Variants in FSTL4 observed in about 807,000 individuals in gnomAD.
The protein encoded by FSTL4 is follistatin-related protein 4.
In FSTL4, 28 loss-of-function variants were observed where a neutral mutation model predicts 78.2. The observed-to-expected ratio is 0.36, with a 90% confidence interval of 0.27 to 0.49. The LOEUF is 0.49. Among genes scored for constraint, FSTL4 ranks in the 20% least tolerant of loss-of-function variants. The pLI is 0.98. For missense variants in FSTL4, 922 were observed against 1,084.9 expected (o/e 0.85, Z 2.11); for synonymous variants, 422 against 440.5 (o/e 0.96, Z 0.53).
chr5:133,559,332 A>C (rs1390322329), intron 3 of FSTL4, among the ~76,000 whole-genome samples: 1 of 152,228 alleles, frequency 6.6e-6, no homozygotes, highest in Non-Finnish European at 1.5e-5. Context: ...AAGCAAAGAA[A>C]TGCCTCTGGC....
At chr5:133,761,016 A>G in the FSTL4 span, among the ~76,000 whole-genome samples, 2 of 152,218 alleles carry the variant, frequency 1.3e-5, no homozygotes, top group African/African-American at 4.8e-5. Context: ...TCATCCCGTT[A>G]GAGCTAAGCC....
At chr5:133,649,053 C>T in the FSTL4 span, among the ~76,000 whole-genome samples, 3 of 152,198 alleles carry the variant, frequency 2.0e-5, no homozygotes, top group Non-Finnish European at 4.4e-5. Flanking sequence ...TCCAGGCTAC[C>T]ACTGATCTTT....
chr5:133,396,368 C>T (rs767737026), intron 4 of FSTL4, among the ~76,000 whole-genome samples: 5 of 152,228 alleles, frequency 3.3e-5, no homozygotes, highest in Non-Finnish European at 4.4e-5. Context: ...AGAAAGCTCA[C>T]GTGCCAAAGC....
At chr5:133,437,920 TTTA>T (rs1309075626) in intron 3 of FSTL4, among the ~76,000 whole-genome samples, 1 of 152,206 alleles carries the variant, frequency 6.6e-6, no homozygotes, top group South Asian at 2.1e-4. Context: ...TCCTTTTCCT[TTTA>T]TTATTATTAT....
the FSTL4 span, among the ~76,000 whole-genome samples, chr5:133,778,488 A>T: frequency 1.3e-5 from 2 of 152,130 alleles, no homozygotes; most frequent in African/African-American, 4.8e-5. Context: ...GGCAAAGTGG[A>T]CTCCAACTCA....
intron 4 of FSTL4, among the ~76,000 whole-genome samples, chr5:133,356,029 GT>G (rs1754936650): frequency 6.6e-6 from 1 of 152,186 alleles, no homozygotes; most frequent in Non-Finnish European, 1.5e-5. Flanking sequence ...GGGGGCCTGG[GT>G]CCCAGGGGGC....
chr5:133,603,799 A>G, intron 2 of FSTL4, 59 bp downstream of exon 2: 2 of 1,555,150 alleles, frequency 1.3e-6, no homozygotes, highest in East Asian at 4.5e-5. Context: ...GAAATCAGAT[A>G]CTGTAACATC....
chr5:133,486,140 G>A (rs368367692), intron 3 of FSTL4, among the ~76,000 whole-genome samples: 93 of 152,226 alleles, frequency 6.1e-4, no homozygotes, highest in Middle Eastern at 3.4e-3. Flanking sequence ...GGGCAGAGGC[G>A]CCTGAGAGAC....
At chr5:133,213,153 C>A (rs1388270006) in intron 13 of FSTL4, among the ~76,000 whole-genome samples, 5 of 151,908 alleles carry the variant, frequency 3.3e-5, no homozygotes, top group African/African-American at 1.2e-4. Context: ...TAGGCCTGCA[C>A]CACCACGCCC....
At chr5:133,492,599 T>A (rs1758288737) in intron 3 of FSTL4, among the ~76,000 whole-genome samples, 1 of 152,202 alleles carries the variant, frequency 6.6e-6, no homozygotes, top group Non-Finnish European at 1.5e-5. Context: ...GCAGAGAATC[T>A]TTTTTTCTTC....
At chr5:133,776,510 G>GC in the FSTL4 span, among the ~76,000 whole-genome samples, 1 of 152,080 alleles carries the variant, frequency 6.6e-6, no homozygotes, top group South Asian at 2.1e-4. Context: ...ATTCTAAATA[G>GC]CCCCTTCTTT....
chr5:133,745,308 C>A, the FSTL4 span, among the ~76,000 whole-genome samples: 1 of 152,058 alleles, frequency 6.6e-6, no homozygotes, highest in African/African-American at 2.4e-5. Context: ...TGTTTTAGAC[C>A]CAGATTAGAA....
chr5:133,233,682 G>C, intron 7 of FSTL4, 145 bp from the exon 8 acceptor site: 1 of 951,750 alleles, frequency 1.1e-6, no homozygotes, highest in Non-Finnish European at 1.6e-6. Flanking sequence ...CTGTCTGCAG[G>C]GGTGAGCCGT....
intron 14 of FSTL4, among the ~76,000 whole-genome samples, chr5:133,208,871 A>C (rs1440260783): frequency 1.3e-5 from 2 of 152,090 alleles, no homozygotes; most frequent in African/African-American, 4.8e-5. Flanking sequence ...GGGTTTCACT[A>C]TGTTGGCCAG....
At chr5:133,812,860 A>G in the FSTL4 span, among the ~76,000 whole-genome samples, 1 of 152,198 alleles carries the variant, frequency 6.6e-6, no homozygotes, top group African/African-American at 2.4e-5. Context: ...TACATTCATG[A>G]TTGTTGAATA....
At chr5:133,209,546 T>C (rs1750638041) in intron 14 of FSTL4, among the ~76,000 whole-genome samples, 2 of 152,178 alleles carry the variant, frequency 1.3e-5, no homozygotes, top group African/African-American at 2.4e-5. Flanking sequence ...TCATTCCTCT[T>C]ATGGATCCCT....
chr5:133,789,827 T>C, the FSTL4 span, among the ~76,000 whole-genome samples: 1 of 152,186 alleles, frequency 6.6e-6, no homozygotes, highest in African/African-American at 2.4e-5. Context: ...TATAAGGACA[T>C]GAATTTTATT....
intron 3 of FSTL4, among the ~76,000 whole-genome samples, chr5:133,480,061 G>C (rs1318410101): frequency 6.6e-6 from 1 of 152,174 alleles, no homozygotes; most frequent in Non-Finnish European, 1.5e-5. Context: ...GTTTGTGACA[G>C]GACCTAACAC....
At chr5:133,413,770 C>T (rs1756525074) in intron 3 of FSTL4, among the ~76,000 whole-genome samples, 1 of 152,106 alleles carries the variant, frequency 6.6e-6, no homozygotes, top group East Asian at 1.9e-4. Flanking sequence ...TTTTCAAATC[C>T]GTCTTCCAGC....
Sources: allele counts gnomAD v4.1 joint callset (sites outside exome capture counted in the v4.1 genomes callset), GRCh38; gene constraint gnomAD v4.1.1; transcripts MANE v1.5; gene names NCBI Gene and HGNC (gene_info 2026-07-23, HGNC 2026-07-21).